The following CSMD2 variants were observed in gnomAD, a reference collection of about 807,000 sequenced individuals.
CSMD2 encodes CUB and Sushi multiple domains 2, also known as CUB and sushi domain-containing protein 2.
CSMD2 carries 130 observed loss-of-function variants against 398.5 expected under a neutral mutation model. That is an observed-to-expected ratio of 0.33 (90% CI 0.28 to 0.38). CSMD2 has a LOEUF of 0.38. Ranked by LOEUF, CSMD2 falls within the 10% of genes least tolerant of loss-of-function variation. The probability of loss-of-function intolerance (pLI) is 1.00; values close to 1 mark genes in which losing one functional copy is unlikely to be tolerated. For missense variants in CSMD2, 3,829 were observed against 4,764.9 expected, an observed-to-expected ratio of 0.80 and a Z score of 5.78; for synonymous variants, 1,828 against 1,908.5, an observed-to-expected ratio of 0.96 and a Z score of 1.10.
At chr1:34,162,927 G>T (rs1641487712) in intron 1 of CSMD2, among the ~76,000 whole-genome samples, 1 of 152,162 alleles carries the variant, frequency 6.6e-6, no homozygotes, top group South Asian at 2.1e-4. Flanking sequence ...GCCAGAGCAG[G>T]GCCTGCCGGA....
chr1:33,598,001 T>C (rs78870742), intron 44 of CSMD2, among the ~76,000 whole-genome samples: 1,593 of 152,268 alleles, frequency 0.01, 24 homozygotes, highest in African/African-American at 0.037. Flanking sequence ...TGTCTTTACA[T>C]AACAGAAATA....
intron 13 of CSMD2, among the ~76,000 whole-genome samples, chr1:33,757,604 T>A (rs995426698): frequency 6.6e-6 from 1 of 152,140 alleles, no homozygotes; most frequent in Non-Finnish European, 1.5e-5. Context: ...CAAACCCTCC[T>A]ACCACACTCC....
At chr1:34,063,020 C>T (rs182524736) in intron 2 of CSMD2, among the ~76,000 whole-genome samples, 142 of 152,158 alleles carry the variant, frequency 9.3e-4, no homozygotes, top group African/African-American at 3.0e-3. Flanking sequence ...GATGCAAAAG[C>T]GGAAACCCCG....
At chr1:33,585,389 A>G (rs1206943552) in intron 46 of CSMD2, among the ~76,000 whole-genome samples, 1 of 152,182 alleles carries the variant, frequency 6.6e-6, no homozygotes, top group African/African-American at 2.4e-5. Context: ...GGGGCTTGGT[A>G]ATCAGCACGG....
chr1:33,825,785 G>A lies in CSMD2; in HGVS notation c.1034-11C>T, dbSNP rs1429985571. The A allele has an allele frequency of 1.9e-6, 3 of 1,611,372 alleles. No individual in the cohort carries two copies. The highest frequency in any genetic ancestry group is 1.1e-5 in the South Asian group (1 of 90,858). ...CAATTTGCTTCTTGACTAGAGAGGA[G>A]GTAAGAGGAAAAACAATGTGAGTTG... On this transcript the variant is annotated splice_polypyrimidine_tract_variant and intron_variant, in intron 6 of 70. Transcript: ENST00000373381.
chr1:33,943,130 C>A (rs1017948458), intron 3 of CSMD2, among the ~76,000 whole-genome samples: 21 of 152,244 alleles, frequency 1.4e-4, no homozygotes, highest in African/African-American at 5.1e-4. Flanking sequence ...AACCTATGGT[C>A]TTCTGGGTGA....
chr1:33,724,542 C>T lies in CSMD2; in HGVS notation c.2858G>A (p.Trp953Ter), dbSNP rs1441964831. 1 of 1,614,176 alleles carries T rather than the reference C, an allele frequency of 6.2e-7. No individual in the cohort carries two copies. Among genetic ancestry groups the T allele is most frequent in the Admixed American group, 1.7e-5 (1 of 60,028 alleles). ...EPLECEPNFQ[W>*]SRALPSCEAL... ...TTCACAACTGGGCAGGGCCCGGCTC[C>T]ACTGGAAGTTGGGCTCACACTCCAG... The change falls in exon 18 of 71, where the codon TGG becomes TAG. Residue 953 changes from tryptophan (W) to a stop codon, truncating the protein, a stop_gained. Transcript: ENST00000373381. LOFTEE classifies it high-confidence loss of function.
At chr1:33,718,588 C>T (rs1219550836) in intron 19 of CSMD2, among the ~76,000 whole-genome samples, 2 of 152,196 alleles carry the variant, frequency 1.3e-5, no homozygotes, top group Non-Finnish European at 2.9e-5. Context: ...AAGTATGGTC[C>T]ATGAACCAGC....
chr1:33,879,458 T>C (rs752787640), intron 5 of CSMD2, among the ~76,000 whole-genome samples: 5 of 152,260 alleles, frequency 3.3e-5, no homozygotes, highest in East Asian at 3.9e-4. Flanking sequence ...CTCCCAAGGG[T>C]TGGGATTTAT....
intron 1 of CSMD2, among the ~76,000 whole-genome samples, chr1:34,116,193 T>C (rs1450832268): frequency 6.6e-6 from 1 of 152,100 alleles, no homozygotes; most frequent in Non-Finnish European, 1.5e-5. Context: ...TCTAACTATA[T>C]GCTGTCTACA....
At chr1:33,556,670 A>C in intron 55 of CSMD2, among the ~76,000 whole-genome samples, 1 of 151,970 alleles carries the variant, frequency 6.6e-6, no homozygotes, top group East Asian at 1.9e-4. Flanking sequence ...CCCCACCCAA[A>C]CCACATCTTG....
intron 4 of CSMD2, 96 bp from the exon 5 acceptor site, chr1:33,918,397 C>G: frequency 1.0e-6 from 1 of 974,500 alleles, no homozygotes; most frequent in Non-Finnish European, 1.5e-6. Flanking sequence ...CTTCTGTCTC[C>G]CAAGAGTACA....
intron 44 of CSMD2, chr1:33,592,460 G>A: frequency 1.4e-6 from 1 of 716,828 alleles, no homozygotes; most frequent in African/African-American, 1.7e-5. Flanking sequence ...GTGGAGGGGT[G>A]TCACAATGTA....
At chr1:34,056,206 T>C (rs1048290939) in intron 2 of CSMD2, among the ~76,000 whole-genome samples, 2 of 152,170 alleles carry the variant, frequency 1.3e-5, no homozygotes, top group Non-Finnish European at 2.9e-5. Context: ...TTAAGACTTG[T>C]GTTCAAGTGA....
rs142033235 is a variant in CSMD2, at chr1:33,864,495, C to A, written c.921-17499G>T. ...CAGACGGCCTCCATCATCCTTCCTA[C>A]TCTTCTGCCAAGACCACTATGCTCA... is the stretch of plus-strand genomic sequence containing the variant. On this transcript the variant is annotated intron_variant, in intron 5 of 70. Coordinates refer to ENST00000373381, the MANE Select transcript of CSMD2 (RefSeq NM_001281956.2). The A allele has an allele frequency of 2.0e-3, 3,299 of 1,613,832 alleles. 3 individuals carry two copies. Among genetic ancestry groups the A allele is most frequent in the Middle Eastern group, 5.4e-3 (33 of 6,056 alleles).
intron 2 of CSMD2, among the ~76,000 whole-genome samples, chr1:34,072,886 T>C (rs1655894584): frequency 6.6e-6 from 1 of 152,080 alleles, no homozygotes; most frequent in Admixed American, 6.5e-5. Context: ...GCAGTTGGTT[T>C]CCAGAGCCTC....
chr1:33,765,015 G>T (rs974546415), intron 13 of CSMD2, among the ~76,000 whole-genome samples: 1 of 152,208 alleles, frequency 6.6e-6, no homozygotes, highest in African/African-American at 2.4e-5. Flanking sequence ...TGTATGCGAA[G>T]CAATGCATGT....
intron 25 of CSMD2, among the ~76,000 whole-genome samples, chr1:33,686,872 C>T (rs1645077885): frequency 6.6e-6 from 1 of 152,214 alleles, no homozygotes; most frequent in African/African-American, 2.4e-5. Flanking sequence ...GGGTGACTTA[C>T]AGCCTGCTGT....
intron 5 of CSMD2, among the ~76,000 whole-genome samples, chr1:33,882,793 C>A (rs1208253021): frequency 6.6e-6 from 1 of 152,178 alleles, no homozygotes; most frequent in Non-Finnish European, 1.5e-5. Context: ...AATTTACTAG[C>A]TAACTTCCCC....
Sources: allele counts gnomAD v4.1 joint callset (sites outside exome capture counted in the v4.1 genomes callset), GRCh38; gene constraint gnomAD v4.1.1; transcripts MANE v1.5; gene names NCBI Gene and HGNC (gene_info 2026-07-23, HGNC 2026-07-21).